EPHA6: variants seen among roughly 807,000 people sequenced by gnomAD.
The protein encoded by EPHA6 is ephrin type-A receptor 6.
Under a neutral mutation model 112.0 loss-of-function variants are expected in EPHA6, and 50 were observed. That is an observed-to-expected ratio of 0.45 (90% CI 0.36 to 0.56). The LOEUF is 0.56. Ranked by LOEUF, EPHA6 falls within the 20% of genes least tolerant of loss-of-function variation. The pLI, the probability that EPHA6 is intolerant of heterozygous loss-of-function variation, is 0.00. For synonymous variants in EPHA6, 529 were observed against 490.7 expected, an observed-to-expected ratio of 1.08 and a Z score of -1.03; for missense variants, 1,280 against 1,417.4, an observed-to-expected ratio of 0.90 and a Z score of 1.56.
intron 2 of EPHA6, among the ~76,000 whole-genome samples, chr3:96,923,723 A>G (rs1288741324): frequency 6.6e-6 from 1 of 152,150 alleles, no homozygotes; most frequent in African/African-American, 2.4e-5. Context: ...CCTGAATGGT[A>G]TTCCCTAGAT....
At chr3:96,982,378 T>G (rs2042830840) in intron 2 of EPHA6, among the ~76,000 whole-genome samples, 2 of 152,360 alleles carry the variant, frequency 1.3e-5, no homozygotes, top group South Asian at 4.1e-4. Flanking sequence ...AGTGAGTTTC[T>G]TAATCCTGAG....
Position 96,814,657 on chromosome 3 carries a change from TC to T in EPHA6, c.38del (p.Pro13ArgfsTer72). 2 of 1,475,200 alleles carry T rather than the reference TC, an allele frequency of 1.4e-6. No homozygotes were observed. The allele number at this position is 1,475,200 out of a possible 1,614,324, so 91.4% of individuals were successfully genotyped here. A position where few individuals can be genotyped will look rare whatever the true frequency, so the allele number is the denominator to read the frequency against. Reference protein sequence around the residue: ...QFPSPPAARSSPAPQAASSSE... With the variant: ...QFPSPPAARSXPAPQAASSSE... Reference sequence around the variant, plus strand: ...CCCCTCGCCTCCAGCCGCGAGGAGCTCCCCGGCGCCGCAGGCAGCGTCCTCC... The same window carrying T: ...CCCCTCGCCTCCAGCCGCGAGGAGCTCCCGGCGCCGCAGGCAGCGTCCTCC... On this transcript the variant is annotated frameshift_variant, in exon 1 of 18. Coordinates refer to ENST00000389672, the MANE Select transcript of EPHA6 (RefSeq NM_001080448.3). LOFTEE classifies it high-confidence loss of function.
chr3:97,331,419 A>C (rs2082790912), intron 5 of EPHA6, among the ~76,000 whole-genome samples: 1 of 152,184 alleles, frequency 6.6e-6, no homozygotes, highest in Non-Finnish European at 1.5e-5. Context: ...TGAAGGAAAT[A>C]GAGACACAAA....
At chr3:96,942,606 G>A (rs2041031134) in intron 2 of EPHA6, among the ~76,000 whole-genome samples, 1 of 152,198 alleles carries the variant, frequency 6.6e-6, no homozygotes, top group Non-Finnish European at 1.5e-5. Context: ...AGCACACGGT[G>A]CGCTGCACCC....
intron 5 of EPHA6, among the ~76,000 whole-genome samples, chr3:97,361,976 T>C (rs1404062280): frequency 6.6e-6 from 1 of 152,216 alleles, no homozygotes; most frequent in Non-Finnish European, 1.5e-5. Context: ...AACCTGTTTT[T>C]ATTCATTCAG....
chr3:97,316,898 G>C (rs906533422), intron 5 of EPHA6, among the ~76,000 whole-genome samples: 10 of 151,890 alleles, frequency 6.6e-5, no homozygotes, highest in African/African-American at 2.4e-4. Context: ...TTGTTAATTA[G>C]CTGTATGATC....
chr3:97,595,203 C>T (rs2093577177), intron 12 of EPHA6, among the ~76,000 whole-genome samples: 1 of 152,150 alleles, frequency 6.6e-6, no homozygotes. Context: ...GTTTATGTTT[C>T]TCATTTCTAA....
intron 12 of EPHA6, among the ~76,000 whole-genome samples, chr3:97,596,614 C>T (rs1271586632): frequency 6.6e-6 from 1 of 151,432 alleles, no homozygotes; most frequent in Non-Finnish European, 1.5e-5. Flanking sequence ...ATTAGACCAA[C>T]CTATAAGATG....
At position 97,748,777 on chromosome 3, in the gene EPHA6, T is replaced by G. The variant is rs2035819773; in HGVS notation, c.*76T>G. 3.8e-6 allele frequency: 3 copies of G among 785,500 alleles called. No individual in the cohort carries two copies. The highest frequency in any genetic ancestry group is 3.4e-5 in the African/African-American group (2 of 58,850). 48.7% of individuals were successfully genotyped at this position (785,500 alleles called of 1,614,324 possible). On this transcript the variant is annotated 3_prime_UTR_variant, in exon 18 of 18. Coordinates refer to ENST00000389672, the MANE Select transcript of EPHA6 (RefSeq NM_001080448.3). The stretch of plus-strand genomic sequence containing the variant: ...ATATCCTCTCTACTACTCTCTCTTC[T>G]GATTCTCCAAACATCACTTCACAAA...
At chr3:97,627,113 GAGGCA>G (rs1240718672) in intron 13 of EPHA6, among the ~76,000 whole-genome samples, 2 of 151,852 alleles carry the variant, frequency 1.3e-5, no homozygotes, top group African/African-American at 4.8e-5. Context: ...TGACCAAACT[GAGGCA>G]AGGCAAGTTA....
chr3:97,160,140 C>T (rs1028170427), intron 3 of EPHA6, among the ~76,000 whole-genome samples: 1 of 152,082 alleles, frequency 6.6e-6, no homozygotes, highest in African/African-American at 2.4e-5. Flanking sequence ...TTCTTGAGCT[C>T]ATTGGGTAAT....
At chr3:97,246,387 G>A (rs1006223453) in intron 5 of EPHA6, among the ~76,000 whole-genome samples, 1 of 151,698 alleles carries the variant, frequency 6.6e-6, no homozygotes, top group Non-Finnish European at 1.5e-5. Context: ...AGTATATTTA[G>A]TTCATGTCTC....
chr3:97,567,629 A>G (rs539261373), intron 11 of EPHA6, among the ~76,000 whole-genome samples: 3 of 152,294 alleles, frequency 2.0e-5, no homozygotes, highest in East Asian at 3.9e-4. Context: ...AAAGAGAGAG[A>G]CACATATGGA....
At chr3:97,241,088 C>T (rs937616893) in intron 4 of EPHA6, among the ~76,000 whole-genome samples, 4 of 150,486 alleles carry the variant, frequency 2.7e-5, no homozygotes, top group African/African-American at 9.8e-5. Flanking sequence ...ATAAGTATCT[C>T]GTAAGTTTTA....
At chr3:97,119,101 C>T (rs1327983289) in intron 3 of EPHA6, among the ~76,000 whole-genome samples, 3 of 152,030 alleles carry the variant, frequency 2.0e-5, no homozygotes, top group South Asian at 4.1e-4. Flanking sequence ...TTTATTTAGT[C>T]AGCCATTGTG....
intron 7 of EPHA6, among the ~76,000 whole-genome samples, chr3:97,472,573 G>A (rs1451062445): frequency 1.3e-5 from 2 of 151,710 alleles, no homozygotes; most frequent in African/African-American, 4.8e-5. Context: ...TCAGAGCTCT[G>A]TGATGGACCA....
At chr3:97,393,072 A>G (rs536664840) in intron 5 of EPHA6, among the ~76,000 whole-genome samples, 64 of 151,894 alleles carry the variant, frequency 4.2e-4, no homozygotes, top group Admixed American at 1.1e-3. Context: ...TAAATGAGGA[A>G]TTTGTTTAAT....
At chr3:97,054,300 A>G (rs1284411326) in intron 3 of EPHA6, among the ~76,000 whole-genome samples, 1 of 152,178 alleles carries the variant, frequency 6.6e-6, no homozygotes, top group East Asian at 1.9e-4. Flanking sequence ...GGCTAAAAAT[A>G]GGTTTCATAT....
At chr3:97,065,651 A>G (rs1422101921) in intron 3 of EPHA6, among the ~76,000 whole-genome samples, 1 of 152,126 alleles carries the variant, frequency 6.6e-6, no homozygotes, top group Non-Finnish European at 1.5e-5. Flanking sequence ...GAAGTATTAC[A>G]TATCACAAAT....
Sources: allele counts gnomAD v4.1 joint callset (sites outside exome capture counted in the v4.1 genomes callset), GRCh38; gene constraint gnomAD v4.1.1; transcripts MANE v1.5; gene names NCBI Gene and HGNC (gene_info 2026-07-23, HGNC 2026-07-21).